The following ANO2 variants were observed in gnomAD, a reference collection of about 807,000 sequenced individuals.
ANO2 encodes anoctamin-2.
A neutral mutation model predicts 124.2 loss-of-function variants in ANO2; 101 were observed. The observed-to-expected ratio is 0.81, with a 90% confidence interval of 0.69 to 0.96. ANO2 has a LOEUF of 0.96. Ranked by LOEUF, ANO2 falls within the 40% of genes least tolerant of loss-of-function variation. The pLI is 0.00. For missense variants in ANO2, 1,293 were observed against 1,274.5 expected (o/e 1.01, Z -0.22); for synonymous variants, 486 against 482.5 (o/e 1.01, Z -0.09).
chr12:5,733,141 C>A, intron 13 of ANO2: 1 of 559,950 alleles, frequency 1.8e-6, no homozygotes, highest in East Asian at 3.0e-5. Flanking sequence ...AAAATGGCGA[C>A]CAATAAACAT....
chr12:5,593,676 G>A (rs74518162), intron 20 of ANO2, among the ~76,000 whole-genome samples: 2,216 of 152,250 alleles, frequency 0.015, 28 homozygotes, highest in Admixed American at 0.018. Context: ...GTTCATTGAC[G>A]GTCTACATGT....
chr12:5,813,074 G>GAGGA (rs71064169), intron 7 of ANO2, among the ~76,000 whole-genome samples: 6 of 146,014 alleles, frequency 4.1e-5, no homozygotes, highest in Non-Finnish European at 7.5e-5. Context: ...GAAGACGAAA[G>GAGGA]AGGAAGGAAA....
At chr12:5,763,756 A>G (rs1176984243) in intron 10 of ANO2, among the ~76,000 whole-genome samples, 1 of 152,132 alleles carries the variant, frequency 6.6e-6, no homozygotes, top group Non-Finnish European at 1.5e-5. Context: ...TGAAACAGTA[A>G]TCAAAGTTTG....
At chr12:5,853,416 T>C (rs546685230) in intron 4 of ANO2, among the ~76,000 whole-genome samples, 2 of 151,680 alleles carry the variant, frequency 1.3e-5, no homozygotes, top group South Asian at 4.2e-4. Context: ...ATCCTGGGGA[T>C]TTTTTGCCTA....
chr12:5,732,700 G>A, intron 13 of ANO2, 70 bp from the exon 14 acceptor site: 2 of 1,538,506 alleles, frequency 1.3e-6, no homozygotes, highest in Admixed American at 3.5e-5. Context: ...GTTATAACCA[G>A]ACACATGTAC....
At chr12:5,737,245 C>T (rs1371468429) in intron 13 of ANO2, among the ~76,000 whole-genome samples, 4 of 152,232 alleles carry the variant, frequency 2.6e-5, no homozygotes, top group African/African-American at 7.2e-5. Context: ...CACGGAGATC[C>T]CATCCGGAAA....
At chr12:5,896,894 G>A (rs897442943) in intron 3 of ANO2, among the ~76,000 whole-genome samples, 1 of 152,170 alleles carries the variant, frequency 6.6e-6, no homozygotes, top group Admixed American at 6.5e-5. Context: ...TTCCAGTTGA[G>A]ATAATCCATA....
intron 10 of ANO2, among the ~76,000 whole-genome samples, chr12:5,794,520 A>G (rs994262545): frequency 2.0e-5 from 3 of 152,182 alleles, no homozygotes; most frequent in Admixed American, 6.5e-5. Flanking sequence ...ACACTCTTTC[A>G]CCTCAGTCGT....
chr12:5,601,127 T>A (rs1263571723), intron 19 of ANO2, among the ~76,000 whole-genome samples: 1 of 152,186 alleles, frequency 6.6e-6, no homozygotes, highest in Non-Finnish European at 1.5e-5. Flanking sequence ...TACAACTCTA[T>A]AAGCTTTAGT....
Position 5,861,798 on chromosome 12 carries a change from A to G in ANO2, c.535-7657T>C, listed in dbSNP as rs145271933. ...CAGCGCCCCCACCACACCTGCTGGG[A>G]GCCCCACACTCTCAGATCATCAAGA... On this transcript the variant is annotated intron_variant, in intron 3 of 24. Coordinates refer to ENST00000682330, the MANE Select transcript of ANO2 (RefSeq NM_001364791.2). Among the ~76,000 whole-genome samples, 341 of 152,268 alleles carry G rather than the reference A, an allele frequency of 2.2e-3. 2 individuals carry two copies. The highest frequency in any genetic ancestry group is 7.9e-3 in the African/African-American group (330 of 41,564).
At chr12:5,755,955 C>T (rs1379939083) in intron 10 of ANO2, among the ~76,000 whole-genome samples, 1 of 152,100 alleles carries the variant, frequency 6.6e-6, no homozygotes, top group Non-Finnish European at 1.5e-5. Context: ...TCCTCTTTTT[C>T]TTTCTTTAGT....
At chr12:5,686,165 C>T (rs1270130574) in intron 14 of ANO2, among the ~76,000 whole-genome samples, 1 of 152,156 alleles carries the variant, frequency 6.6e-6, no homozygotes, top group African/African-American at 2.4e-5. Flanking sequence ...TTCCCCTCCC[C>T]ACTCTCTCCA....
At chr12:5,781,614 A>T (rs1275770946) in intron 10 of ANO2, among the ~76,000 whole-genome samples, 1 of 152,254 alleles carries the variant, frequency 6.6e-6, no homozygotes, top group Non-Finnish European at 1.5e-5. Flanking sequence ...TTAGTCAATA[A>T]ATATAACTTA....
chr12:5,837,190 CCCAGGAGTGCAGCATCCACGGGG>C (rs147317249), intron 4 of ANO2, among the ~76,000 whole-genome samples: 26,739 of 151,656 alleles, frequency 0.18, 2,660 homozygotes, highest in Non-Finnish European at 0.21. Flanking sequence ...TGCAAAGGCA[CCCAGGAGTGCAGCATCCACGGGG>C]CCAGGAGTGC....
chr12:5,647,686 A>G (rs1414570304), intron 15 of ANO2, 41 bp downstream of exon 15: 2 of 1,413,908 alleles, frequency 1.4e-6, no homozygotes, highest in South Asian at 2.4e-5. Context: ...CAGCATCTAC[A>G]TGCATGCAGT....
intron 20 of ANO2, among the ~76,000 whole-genome samples, chr12:5,588,666 C>T (rs764025061): frequency 1.8e-4 from 28 of 152,160 alleles, no homozygotes; most frequent in Non-Finnish European, 3.1e-4. Context: ...TATGCTGAAA[C>T]GTCCCTTCCT....
At chr12:5,578,138 G>T in intron 21 of ANO2, 131 bp from the exon 22 acceptor site, 1 of 1,287,688 alleles carries the variant, frequency 7.8e-7, no homozygotes, top group Non-Finnish European at 1.1e-6. Flanking sequence ...GAATGGGCTT[G>T]TCTGGAAAGG....
At chr12:5,938,372 C>T (rs73259025) in intron 1 of ANO2, among the ~76,000 whole-genome samples, 14,809 of 152,144 alleles carry the variant, frequency 0.097, 1,142 homozygotes, top group African/African-American at 0.21. Context: ...TGTTCAGTAC[C>T]TGAAAATAAC....
At chr12:5,855,846 C>G (rs1955081791) in intron 3 of ANO2, among the ~76,000 whole-genome samples, 1 of 152,292 alleles carries the variant, frequency 6.6e-6, no homozygotes, top group Admixed American at 6.5e-5. Flanking sequence ...GAAACACACC[C>G]AAGGACTGTA....
Sources: gnomAD v4.1 joint callset for allele counts (sites outside exome capture counted in the v4.1 genomes callset) on GRCh38, gnomAD v4.1.1 for gene constraint, MANE v1.5 for transcripts, NCBI Gene and HGNC (gene_info 2026-07-23, HGNC 2026-07-21) for gene names.